C12orf42: variants seen among roughly 807,000 people sequenced by gnomAD.
C12orf42 encodes uncharacterized protein C12orf42.
A neutral mutation model predicts 21.6 loss-of-function variants in C12orf42; 25 were observed. The observed-to-expected ratio is 1.16, with a 90% CI of 0.84 to 1.62. The LOEUF (loss-of-function observed/expected upper bound fraction) is 1.62. Ranked by LOEUF, C12orf42 falls within the 40% of genes most tolerant of loss-of-function variation. The pLI, the probability that C12orf42 is intolerant of heterozygous loss-of-function variation, is 0.00. For synonymous variants in C12orf42, 174 were observed against 175.0 expected (o/e 0.99, Z 0.05); for missense variants, 483 against 459.3 (o/e 1.05, Z -0.47).
chr12:103,098,275 G>C, the C12orf42 span, among the ~76,000 whole-genome samples: 1 of 152,032 alleles, frequency 6.6e-6, no homozygotes, highest in African/African-American at 2.4e-5. Flanking sequence ...CCTAACCATG[G>C]GCAGATTGGT....
chr12:103,449,654 C>T (rs954544991), intron 2 of C12orf42, among the ~76,000 whole-genome samples: 3 of 151,730 alleles, frequency 2.0e-5, no homozygotes, highest in African/African-American at 4.8e-5. Context: ...TCTCTATAAT[C>T]GTGTTTTAAT....
At position 103,464,412 on chromosome 12, in the gene C12orf42, T is replaced by TG. The variant is rs1555208725; in HGVS notation, c.78+13936dup. Among the ~76,000 whole-genome samples, 37 of 51,522 alleles carry TG rather than the reference T, an allele frequency of 7.2e-4. No homozygotes were observed. The East Asian group carries it at 0.017, about 23-fold the overall frequency. 33.8% of individuals were successfully genotyped at this position (51,522 alleles called of 152,430 possible). A position where few individuals can be genotyped will look rare whatever the true frequency, so the allele number is the denominator to read the frequency against. ...GTTCATGTCTTTGCACACTTTTTAA[T>TG]GGGGTTTTTTTTTTTCTTGTAAACT... On this transcript the variant is annotated intron_variant, in intron 2 of 5. Transcript: ENST00000548883.
chr12:103,526,740 G>T, the C12orf42 span, among the ~76,000 whole-genome samples: 1 of 152,198 alleles, frequency 6.6e-6, no homozygotes, highest in Non-Finnish European at 1.5e-5. Flanking sequence ...ACGGGGAAAA[G>T]AAAGCTGTTA....
the C12orf42 span, among the ~76,000 whole-genome samples, chr12:103,099,894 CTT>C: frequency 6.6e-6 from 1 of 152,172 alleles, no homozygotes; most frequent in South Asian, 2.1e-4. Context: ...ACATGCATCT[CTT>C]GAGTAGATAA....
chr12:103,098,289 C>T, the C12orf42 span, among the ~76,000 whole-genome samples: 2 of 152,094 alleles, frequency 1.3e-5, no homozygotes, highest in African/African-American at 4.8e-5. Flanking sequence ...GATTGGTTAG[C>T]TCCTCTAGGC....
chr12:103,302,662 A>T, intron 5 of C12orf42, 103 bp from the exon 6 acceptor site: 3 of 872,874 alleles, frequency 3.4e-6, no homozygotes, highest in Non-Finnish European at 5.1e-6. Context: ...AACATTTGTA[A>T]TGTGCTCAGA....
intron 10 of C12orf42, among the ~76,000 whole-genome samples, chr12:103,250,206 A>G (rs1028848079): frequency 2.0e-5 from 3 of 152,032 alleles, no homozygotes; most frequent in African/African-American, 4.8e-5. Flanking sequence ...ATCAGCTCAT[A>G]TAACTGAGAT....
chr12:103,187,555 T>C, the C12orf42 span, among the ~76,000 whole-genome samples: 2 of 152,218 alleles, frequency 1.3e-5, no homozygotes, highest in Non-Finnish European at 1.5e-5. Context: ...TTAAAACATA[T>C]ACTTTTGTTT....
intron 4 of C12orf42, among the ~76,000 whole-genome samples, chr12:103,311,396 A>G (rs1372207724): frequency 1.3e-5 from 2 of 151,948 alleles, no homozygotes; most frequent in Admixed American, 1.3e-4. Flanking sequence ...TAAGTTGATC[A>G]GCTGATTTAT....
downstream of C12orf42, among the ~76,000 whole-genome samples, chr12:103,264,362 T>C (rs892974260): frequency 1.3e-5 from 2 of 152,150 alleles, no homozygotes; most frequent in Admixed American, 6.6e-5. Flanking sequence ...GAAAGAGGTT[T>C]AATTCAGAGT....
chr12:103,139,825 G>T, the C12orf42 span, among the ~76,000 whole-genome samples: 1 of 152,082 alleles, frequency 6.6e-6, no homozygotes, highest in African/African-American at 2.4e-5. Flanking sequence ...TAAACATGGG[G>T]TTAAAAAAAG....
chr12:103,289,758 A>C (rs1301713321), intron 4 of C12orf42, among the ~76,000 whole-genome samples: 1 of 152,188 alleles, frequency 6.6e-6, no homozygotes, highest in African/African-American at 2.4e-5. Flanking sequence ...GTAAGAGCTC[A>C]TTCTTGAACA....
At chr12:103,279,608 A>G (rs2035982709) in intron 4 of C12orf42, among the ~76,000 whole-genome samples, 1 of 152,232 alleles carries the variant, frequency 6.6e-6, no homozygotes, top group Non-Finnish European at 1.5e-5. Context: ...ACTGATAGAG[A>G]AAAACCAGTG....
At chr12:103,105,422 A>T in the C12orf42 span, among the ~76,000 whole-genome samples, 1 of 152,192 alleles carries the variant, frequency 6.6e-6, no homozygotes, top group Non-Finnish European at 1.5e-5. Flanking sequence ...ATACTCCATG[A>T]TCTCACTTAA....
At chr12:103,535,735 A>G in the C12orf42 span, among the ~76,000 whole-genome samples, 5 of 152,190 alleles carry the variant, frequency 3.3e-5, no homozygotes, top group Non-Finnish European at 5.9e-5. Flanking sequence ...CATGAACTCT[A>G]AAAATAGCAG....
intron 2 of C12orf42, among the ~76,000 whole-genome samples, chr12:103,474,490 C>A (rs1953893088): frequency 6.8e-6 from 1 of 146,504 alleles, no homozygotes; most frequent in Non-Finnish European, 1.5e-5. Flanking sequence ...GTATAAAATA[C>A]ATCAAGAATG....
intron 4 of C12orf42, among the ~76,000 whole-genome samples, chr12:103,323,370 C>G (rs1426887852): frequency 1.2e-4 from 19 of 152,112 alleles, no homozygotes; most frequent in East Asian, 1.9e-4. Context: ...GATTAGATGC[C>G]TGTTCAACAC....
the C12orf42 span, among the ~76,000 whole-genome samples, chr12:103,531,692 G>T: frequency 2.0e-5 from 3 of 152,272 alleles, no homozygotes; most frequent in East Asian, 5.8e-4. Flanking sequence ...GAATCTGAGA[G>T]ACCTCTCTAA....
chr12:103,090,325 T>A, the C12orf42 span, among the ~76,000 whole-genome samples: 1 of 152,108 alleles, frequency 6.6e-6, no homozygotes, highest in Non-Finnish European at 1.5e-5. Flanking sequence ...TGAGGCACAG[T>A]CACCACCGAA....
Sources: allele counts gnomAD v4.1 joint callset (sites outside exome capture counted in the v4.1 genomes callset), GRCh38; gene constraint gnomAD v4.1.1; transcripts MANE v1.5; gene names NCBI Gene and HGNC (gene_info 2026-07-23, HGNC 2026-07-21).